SLFN5: variants seen among roughly 807,000 people sequenced by gnomAD.
The protein encoded by SLFN5 is schlafen family member 5.
SLFN5 carries 34 observed loss-of-function variants against 48.5 expected under a neutral mutation model. The observed-to-expected ratio is 0.70, with a 90% CI of 0.53 to 0.93. The LOEUF is 0.93. SLFN5 is among the 40% of genes least tolerant of loss of function. SLFN5 has a pLI of 0.00. For missense variants in SLFN5, 1,006 were observed against 1,071.3 expected, an observed-to-expected ratio of 0.94 and a Z score of 0.85; for synonymous variants, 387 against 396.2, an observed-to-expected ratio of 0.98 and a Z score of 0.28.
chr17:35,259,656 A>G lies in SLFN5; in HGVS notation c.966A>G (p.Gln322=). The change falls in exon 2 of 5, where the codon CAA becomes CAG. Residue 322 remains glutamine, a synonymous_variant. Coordinates refer to ENST00000299977, the MANE Select transcript of SLFN5 (RefSeq NM_144975.4). ...SWQVKDNRVR[Q]LPTREWTAWM... is the part of the protein sequence containing the mutation. Reference sequence around the variant, plus strand: ...AGGTGAAGGACAACCGTGTGAGACAATTGCCCACAAGAGAATGGACTGCTT... The same window carrying G: ...AGGTGAAGGACAACCGTGTGAGACAGTTGCCCACAAGAGAATGGACTGCTT... The G allele has an allele frequency of 1.2e-6, 2 of 1,601,660 alleles. No homozygotes were observed. The highest frequency in any genetic ancestry group is 1.7e-6 in the Non-Finnish European group (2 of 1,179,852).
At chr17:35,257,941 G>A (rs185005737) in intron 1 of SLFN5, among the ~76,000 whole-genome samples, 22 of 152,294 alleles carry the variant, frequency 1.4e-4, no homozygotes, top group African/African-American at 3.4e-4. Flanking sequence ...TTCTGACCAC[G>A]AAAGCTTTCT....
chr17:35,250,719 T>C (rs2092440552), intron 1 of SLFN5, among the ~76,000 whole-genome samples: 1 of 151,948 alleles, frequency 6.6e-6, no homozygotes, highest in Admixed American at 6.6e-5. Flanking sequence ...GATTCAGTTC[T>C]GATACAATAT....
At position 35,265,304 on chromosome 17, in the gene SLFN5, C is replaced by T. The variant is rs113644060; in HGVS notation, c.2092C>T (p.Pro698Ser). 1.9e-6 allele frequency: 3 copies of T among 1,614,032 alleles called. No individual in the cohort carries two copies. Among genetic ancestry groups the T allele is most frequent in the Admixed American group, 1.7e-5 (1 of 59,996 alleles). ...TCACTTGAGTTGCAGTGGCCTCCCC[C>T]CTCCCTCAGACCAGTATCCAAGAGA... ...TYHLSCSGLP[P>S]PSDQYPREEI... Residue 698 changes from proline (P) to serine (S), a missense_variant, in exon 5 of 5, where the codon CCT becomes TCT. Transcript: ENST00000299977.
In SLFN5 at chr17:35,264,911, G is replaced by A. The variant is rs778432826; in HGVS notation, c.1859+8G>A. 2.6e-6 allele frequency: 4 copies of A among 1,547,558 alleles called. No homozygotes were observed. Among genetic ancestry groups the A allele is most frequent in the Non-Finnish European group, 2.6e-6 (3 of 1,154,638 alleles). Reference sequence around the variant, plus strand: ...CCTGAAGAAGTTGGTGAGGTATGCTGCTTGTCTGTGTTCACTTTATTTTCT... The same window carrying A: ...CCTGAAGAAGTTGGTGAGGTATGCTACTTGTCTGTGTTCACTTTATTTTCT... On this transcript the variant is annotated splice_region_variant and intron_variant, in intron 4 of 4. Transcript: ENST00000299977.
rs2092422792 is a variant in SLFN5, at chr17:35,243,151, A to G, written c.-41+8A>G. On this transcript the variant is annotated splice_region_variant and intron_variant, in intron 1 of 4. Transcript: ENST00000299977. ...CCGAGGAGAACCCAGCGGGTAATGA[A>G]TCCCCCGCGCTTCTTTGCCCAGGCC... 1 of 152,294 alleles carries G rather than the reference A, an allele frequency of 6.6e-6. No individual in the cohort carries two copies. Among genetic ancestry groups the G allele is most frequent in the African/African-American group, 2.4e-5 (1 of 41,432 alleles). 9.4% of individuals were successfully genotyped at this position (152,294 alleles called of 1,614,324 possible).
chr17:35,246,432 C>T (rs2092430754), intron 1 of SLFN5, among the ~76,000 whole-genome samples: 1 of 152,158 alleles, frequency 6.6e-6, no homozygotes, highest in African/African-American at 2.4e-5. Context: ...GCCATTAGCA[C>T]CATTCTGATG....
rs767346472 is a variant in SLFN5 at position 35,259,473 on chromosome 17, G to A, written c.783G>A (p.Lys261=). The change falls in exon 2 of 5, where the codon AAG becomes AAA. Residue 261 remains lysine (K), a synonymous_variant. Transcript: ENST00000299977. ...LRASIDGCIK[K]LPVHHFCTQR... ...CTTCTATTGATGGCTGTATTAAGAA[G>A]CTACCTGTCCATCATTTCTGCACAC... 28 of 1,614,060 alleles carry A rather than the reference G, an allele frequency of 1.7e-5. No homozygotes were observed. In the Middle Eastern group the frequency reaches 9.9e-4, roughly 57 times the overall value.
intron 1 of SLFN5, among the ~76,000 whole-genome samples, chr17:35,252,388 A>C (rs1432980993): frequency 6.6e-6 from 1 of 152,104 alleles, no homozygotes; most frequent in East Asian, 1.9e-4. Context: ...CCATGACTGC[A>C]CTCCAGCCTG....
chr17:35,266,647 C>T lies in SLFN5; in HGVS notation c.*759C>T, dbSNP rs927847629. On this transcript the variant is annotated 3_prime_UTR_variant, in exon 5 of 5. Transcript: ENST00000299977. ...ATGAAGGTAAGACTGCCACAGTCCC[C>T]CAGGGAGGCACACTGTGTTTTACTG... The T allele has an allele frequency of 6.6e-6, 1 of 151,982 alleles. No homozygotes were observed. Among genetic ancestry groups the T allele is most frequent in the Non-Finnish European group, 1.5e-5 (1 of 68,030 alleles). The allele number at this position is 151,982 out of a possible 1,614,324, so 9.4% of individuals were successfully genotyped here.
chr17:35,251,708 T>A (rs1324733206), intron 1 of SLFN5, among the ~76,000 whole-genome samples: 2 of 83,914 alleles, frequency 2.4e-5, no homozygotes, highest in African/African-American at 1.3e-4. Flanking sequence ...CCGGACTTTT[T>A]TTTTTTTTTT....
At position 35,260,981 on chromosome 17, in the gene SLFN5, G is replaced by A. The variant is rs756610137; in HGVS notation, c.1023G>A (p.Arg341=). The A allele has an allele frequency of 6.2e-7, 1 of 1,613,636 alleles. No individual in the cohort carries two copies. The highest frequency in any genetic ancestry group is 8.5e-7 in the Non-Finnish European group (1 of 1,179,736). ...WMMEADPDLS[R]CPEMVLQLSL... ...TTCTTGTTTCCTAAGACCTTTCCAG[G>A]TGTCCTGAGATGGTTCTCCAGTTGA... Residue 341 remains arginine (R), a synonymous_variant, in exon 3 of 5, where the codon AGG becomes AGA. Transcript: ENST00000299977.
At chr17:35,258,018 G>A (rs1157192218) in intron 1 of SLFN5, among the ~76,000 whole-genome samples, 1 of 152,192 alleles carries the variant, frequency 6.6e-6, no homozygotes, top group Non-Finnish European at 1.5e-5. Flanking sequence ...GGTGACCTGC[G>A]AGACTCTGCC....
At position 35,271,038 on chromosome 17, in the gene SLFN5, A is replaced by G. The variant is rs1904817884; in HGVS notation, c.*5150A>G. 1 of 152,232 alleles carries G rather than the reference A, an allele frequency of 6.6e-6. No individual in the cohort carries two copies. Among genetic ancestry groups the G allele is most frequent in the Admixed American group, 6.5e-5 (1 of 15,288 alleles). The allele number at this position is 152,232 out of a possible 1,614,324, so 9.4% of individuals were successfully genotyped here. ...GTGTGAATTTGACAATAACTATTTCACTAGCAAGGGTAGACGTAAGCAGAA... is the reference window on the plus strand; with the variant it reads ...GTGTGAATTTGACAATAACTATTTCGCTAGCAAGGGTAGACGTAAGCAGAA... On this transcript the variant is annotated 3_prime_UTR_variant, in exon 5 of 5. Transcript: ENST00000299977.
chr17:35,270,209 C>T lies in SLFN5; in HGVS notation c.*4321C>T, dbSNP rs993927155. ...GGAATATTATTAACCTTGAATATTT[C>T]TAGTTGATGAGTTTATGAGTGATTT... On this transcript the variant is annotated 3_prime_UTR_variant, in exon 5 of 5. Coordinates refer to ENST00000299977, the MANE Select transcript of SLFN5 (RefSeq NM_144975.4). 1 of 152,054 alleles carries T rather than the reference C, an allele frequency of 6.6e-6. No homozygotes were observed. Among genetic ancestry groups the T allele is most frequent in the African/African-American group, 2.4e-5 (1 of 41,398 alleles). 9.4% of individuals were successfully genotyped at this position (152,054 alleles called of 1,614,324 possible). A position where few individuals can be genotyped will look rare whatever the true frequency, so the allele number is the denominator to read the frequency against.
Position 35,264,316 on chromosome 17 carries a change from C to A in SLFN5, c.1272C>A (p.Ser424Arg). ...FSQGILIFSQSWAVDLGLQEK... is the reference protein window; with the variant it reads ...FSQGILIFSQRWAVDLGLQEK... ...AAGGAATATTGATTTTTTCTCAAAGCTGGGCTGTGGATTTAGGTCTGCAAG... is the reference window on the plus strand; with the variant it reads ...AAGGAATATTGATTTTTTCTCAAAGATGGGCTGTGGATTTAGGTCTGCAAG... The change falls in exon 4 of 5, where the codon AGC (serine) becomes AGA (arginine). Residue 424 changes from serine (S) to arginine (R), a missense_variant. Ser to Arg is a moderately radical substitution (Grantham distance 110). Coordinates refer to ENST00000299977, the MANE Select transcript of SLFN5 (RefSeq NM_144975.4). 1 of 1,614,124 alleles carries A rather than the reference C, an allele frequency of 6.2e-7. No homozygotes were observed. Among genetic ancestry groups the A allele is most frequent in the Non-Finnish European group, 8.5e-7 (1 of 1,180,028 alleles).
At chr17:35,245,866 G>A (rs1015059072) in intron 1 of SLFN5, among the ~76,000 whole-genome samples, 16 of 151,094 alleles carry the variant, frequency 1.1e-4, no homozygotes, top group Admixed American at 7.9e-4. Context: ...ACTTTGGTGT[G>A]GAATGGCTGG....
chr17:35,256,380 G>T (rs1293388331), intron 1 of SLFN5, among the ~76,000 whole-genome samples: 2 of 152,084 alleles, frequency 1.3e-5, no homozygotes, highest in Non-Finnish European at 2.9e-5. Flanking sequence ...ACAAAATAGT[G>T]CATGTAATAG....
Position 35,266,148 on chromosome 17 carries a change from GT to G in SLFN5, c.*261del. 1 of 155,178 alleles carries G rather than the reference GT, an allele frequency of 6.4e-6. No individual in the cohort carries two copies. Among genetic ancestry groups the G allele is most frequent in the East Asian group, 1.6e-4 (1 of 6,116 alleles). 9.6% of individuals were successfully genotyped at this position (155,178 alleles called of 1,614,324 possible). A position where few individuals can be genotyped will look rare whatever the true frequency, so the allele number is the denominator to read the frequency against. ...AGGACCGTGAGACTCAGAGATGTGTGTGTGTGTGTGTGTGTGTGTGTGTGTG... is the reference window on the plus strand; with the variant it reads ...AGGACCGTGAGACTCAGAGATGTGTGGTGTGTGTGTGTGTGTGTGTGTGTG... On this transcript the variant is annotated 3_prime_UTR_variant, in exon 5 of 5. Transcript: ENST00000299977.
rs1241921683 is a variant in SLFN5, at chr17:35,243,085, T to G, written c.-99T>G. The G allele has an allele frequency of 6.6e-6, 1 of 152,274 alleles. No homozygotes were observed. The highest frequency in any genetic ancestry group is 1.5e-5 in the Non-Finnish European group (1 of 68,096). 9.4% of individuals were successfully genotyped at this position (152,274 alleles called of 1,614,324 possible). A position where few individuals can be genotyped will look rare whatever the true frequency, so the allele number is the denominator to read the frequency against. On this transcript the variant is annotated 5_prime_UTR_variant, in exon 1 of 5. Coordinates refer to ENST00000299977, the MANE Select transcript of SLFN5 (RefSeq NM_144975.4). ...CCGGGTCAGGTTCTCTGCTCTGGAC[T>G]TGGGAGGCTCCGTTGCCTGCTCCCG...
Sources: gnomAD v4.1 joint callset for allele counts (sites outside exome capture counted in the v4.1 genomes callset) on GRCh38, gnomAD v4.1.1 for gene constraint, MANE v1.5 for transcripts, NCBI Gene and HGNC (gene_info 2026-07-23, HGNC 2026-07-21) for gene names.